Variants in HECTD4 observed in about 807,000 individuals in gnomAD.
The protein encoded by HECTD4 is probable E3 ubiquitin-protein ligase HECTD4.
A neutral mutation model predicts 471.5 loss-of-function variants in HECTD4; 114 were observed. That is an observed-to-expected ratio of 0.24 (90% CI 0.21 to 0.28). HECTD4 has a LOEUF of 0.28. Ranked by LOEUF, HECTD4 falls within the 10% of genes least tolerant of loss-of-function variation. HECTD4 has a pLI of 1.00. For synonymous variants in HECTD4, 2,012 were observed against 2,256.0 expected, an observed-to-expected ratio of 0.89 and a Z score of 3.07; for missense variants, 3,866 against 5,651.5, an observed-to-expected ratio of 0.68 and a Z score of 10.13.
At chr12:112,334,929 A>G (rs1461411239) in intron 1 of HECTD4, among the ~76,000 whole-genome samples, 1 of 152,198 alleles carries the variant, frequency 6.6e-6, no homozygotes, top group Non-Finnish European at 1.5e-5. Context: ...TACAACCACT[A>G]TGGAAAACAG....
chr12:112,308,791 G>T lies in HECTD4; in HGVS notation c.1126C>A (p.His376Asn). The change falls in exon 6 of 76, where the codon CAC becomes AAC. Residue 376 changes from histidine to asparagine, a missense_variant. His to Asn is a moderately conservative substitution (Grantham distance 68, BLOSUM62 1). This residue lies in a region of HECTD4 where 440 missense variants were observed against 636.0 expected (regional missense o/e 0.69). Coordinates refer to ENST00000682272, the MANE Select transcript of HECTD4 (RefSeq NM_001388303.1). ...HRPVSFDNKPHSLFQVIDQNT... is the reference protein window; with the variant it reads ...HRPVSFDNKPNSLFQVIDQNT... ...TGGTCAATGACCTGGAAAAGGGAGTGAGGTTTATTATCGAAAGAGACAGGC... is the reference window on the plus strand; with the variant it reads ...TGGTCAATGACCTGGAAAAGGGAGTTAGGTTTATTATCGAAAGAGACAGGC... 6.5e-7 allele frequency: 1 copy of T among 1,536,000 alleles called. No individual in the cohort carries two copies. Among genetic ancestry groups the T allele is most frequent in the African/African-American group, 1.4e-5 (1 of 73,156 alleles).
intron 1 of HECTD4, among the ~76,000 whole-genome samples, chr12:112,356,638 A>C (rs1043402565): frequency 2.6e-5 from 4 of 152,014 alleles, no homozygotes; most frequent in African/African-American, 9.7e-5. Flanking sequence ...GGGTTTTGCC[A>C]TGTTGCCTAG....
In HECTD4 at chr12:112,374,729, TAGG is replaced by T. The variant is rs1240520343; in HGVS notation, c.177+7220_177+7222del. On this transcript the variant is annotated intron_variant, in intron 1 of 75. Coordinates refer to ENST00000682272, the MANE Select transcript of HECTD4 (RefSeq NM_001388303.1). ...GATATATAGGCTAGCAGTGTCCTCC[TAGG>T]AGAATAGACCAACATAAATCTAAAT... Among the ~76,000 whole-genome samples the T allele has an allele frequency of 2.6e-5, 4 of 152,350 alleles. No homozygotes were observed. The East Asian group carries it at 5.8e-4, about 22-fold the overall frequency.
intron 72 of HECTD4, among the ~76,000 whole-genome samples, chr12:112,165,076 A>G (rs1253705463): frequency 1.3e-5 from 2 of 150,224 alleles, no homozygotes; most frequent in Non-Finnish European, 3.0e-5. Flanking sequence ...ACCCGCCACC[A>G]TGCCTGGCTA....
intron 1 of HECTD4, among the ~76,000 whole-genome samples, chr12:112,365,001 T>C (rs1401774884): frequency 6.6e-6 from 1 of 152,228 alleles, no homozygotes; most frequent in African/African-American, 2.4e-5. Flanking sequence ...AGGCTGATTA[T>C]GTTCCAATAA....
At chr12:112,337,183 G>C (rs2035973874) in intron 1 of HECTD4, among the ~76,000 whole-genome samples, 1 of 152,182 alleles carries the variant, frequency 6.6e-6, no homozygotes, top group African/African-American at 2.4e-5. Context: ...TTGTTTAAAA[G>C]ACTTACCTCT....
At chr12:112,260,699 C>A (rs1022860661) in intron 18 of HECTD4, among the ~76,000 whole-genome samples, 2 of 151,690 alleles carry the variant, frequency 1.3e-5, no homozygotes, top group Non-Finnish European at 2.9e-5. Context: ...GCCTTAGCCT[C>A]CTGAGTAGCT....
At chr12:112,290,388 G>A (rs1346715508) in intron 7 of HECTD4, among the ~76,000 whole-genome samples, 1 of 152,088 alleles carries the variant, frequency 6.6e-6, no homozygotes, top group Non-Finnish European at 1.5e-5. Context: ...AGCTGGGCAT[G>A]GTGGCGGGCG....
Position 112,265,831 on chromosome 12 carries a change from C to T in HECTD4, c.2498+47G>A, listed in dbSNP as rs191340758. 312 of 1,385,822 alleles carry T rather than the reference C, an allele frequency of 2.3e-4. No individual in the cohort carries two copies. In the Admixed American group the frequency reaches 2.6e-3, roughly 11 times the overall value. The allele number at this position is 1,385,822 out of a possible 1,614,324, so 85.8% of individuals were successfully genotyped here. On this transcript the variant is annotated intron_variant, in intron 15 of 75. Transcript: ENST00000682272. The stretch of plus-strand genomic sequence containing the variant: ...TCAAACACATTTAAATGTAAACTAA[C>T]GACTGAGAACACAAAGGCTAGAAGT...
intron 7 of HECTD4, among the ~76,000 whole-genome samples, chr12:112,302,959 G>A (rs1054096910): frequency 6.8e-6 from 1 of 147,604 alleles, no homozygotes; most frequent in African/African-American, 2.5e-5. Flanking sequence ...TGTTTGTTTG[G>A]GTTTTTATTT....
intron 45 of HECTD4, 126 bp from the exon 46 acceptor site, chr12:112,217,321 A>C: frequency 1.9e-6 from 1 of 521,604 alleles, no homozygotes. Context: ...ACACACATAC[A>C]CACACACACA....
chr12:112,263,724 TACACACAC>T (rs367597011), intron 17 of HECTD4, among the ~76,000 whole-genome samples: 42 of 124,996 alleles, frequency 3.4e-4, no homozygotes, highest in East Asian at 1.5e-3. Flanking sequence ...TATATATATA[TACACACAC>T]ACACACACAC....
At position 112,261,323 on chromosome 12, in the gene HECTD4, A is replaced by T; in HGVS notation, c.2855T>A (p.Ile952Lys). The T allele has an allele frequency of 6.2e-7, 1 of 1,605,474 alleles. No individual in the cohort carries two copies. The highest frequency in any genetic ancestry group is 8.5e-7 in the Non-Finnish European group (1 of 1,172,916). ...QVTTALINSD[I>K]ADREQRLKGL... is the part of the protein sequence containing the mutation. ...TCCTCACCTCTGCTCACGGTCTGCT[A>T]TGTCACTATTTATGAGGGCAGTTGT... Residue 952 changes from isoleucine to lysine, a missense_variant, in exon 18 of 76, where the codon ATA becomes AAA. Physicochemically the swap from Ile to Lys is moderately radical, Grantham distance 102 (BLOSUM62 -3). Around this residue, in one of 16 missense-constraint regions of HECTD4, gnomAD observed 525 missense variants for 672.6 expected, o/e 0.78. Transcript: ENST00000682272.
chr12:112,246,073 A>G (rs1485971204), intron 29 of HECTD4, among the ~76,000 whole-genome samples: 1 of 152,122 alleles, frequency 6.6e-6, no homozygotes, highest in Admixed American at 6.5e-5. Flanking sequence ...CAGAGACTGC[A>G]GTGAGCAGAG....
chr12:112,217,661 T>C (rs1197710591), intron 45 of HECTD4, among the ~76,000 whole-genome samples: 1 of 152,244 alleles, frequency 6.6e-6, no homozygotes, highest in Non-Finnish European at 1.5e-5. Flanking sequence ...GCCAGGCACA[T>C]ATATTTTTTA....
intron 8 of HECTD4, among the ~76,000 whole-genome samples, chr12:112,281,788 A>AT (rs1434130757): frequency 6.6e-6 from 1 of 152,218 alleles, no homozygotes; most frequent in East Asian, 1.9e-4. Context: ...AAAATAAAGC[A>AT]TAAGATTACA....
At chr12:112,244,395 G>T (rs1476487910) in intron 29 of HECTD4, among the ~76,000 whole-genome samples, 1 of 151,824 alleles carries the variant, frequency 6.6e-6, no homozygotes, top group Non-Finnish European at 1.5e-5. Context: ...TTTAAGATGG[G>T]TCTCGCTCTG....
chr12:112,200,317 C>A (rs1290473537), intron 55 of HECTD4, among the ~76,000 whole-genome samples: 1 of 152,106 alleles, frequency 6.6e-6, no homozygotes, highest in Non-Finnish European at 1.5e-5. Context: ...CCAAGATCGG[C>A]TAATTTTTGT....
At chr12:112,244,105 CT>C (rs1477887372) in intron 29 of HECTD4, 96 bp from the exon 30 acceptor site, 2 of 1,278,908 alleles carry the variant, frequency 1.6e-6, no homozygotes, top group African/African-American at 3.0e-5. Flanking sequence ...TGTATCTTTG[CT>C]TTCTATCACA....
Sources: gnomAD v4.1 joint callset for allele counts (sites outside exome capture counted in the v4.1 genomes callset) on GRCh38, gnomAD v4.1.1 for gene constraint, gnomAD v4.1.1 regional missense constraint, MANE v1.5 for transcripts, NCBI Gene and HGNC (gene_info 2026-07-23, HGNC 2026-07-21) for gene names.